PLAA: variants seen among roughly 807,000 people sequenced by gnomAD.
The protein encoded by PLAA is phospholipase A2 activating protein.
A neutral mutation model predicts 84.1 loss-of-function variants in PLAA; 48 were observed. The ratio of observed to expected loss-of-function variants is 0.57; its 90% CI spans 0.45 to 0.73. PLAA has a LOEUF of 0.73. Among genes scored for constraint, PLAA ranks in the 30% least tolerant of loss-of-function variants. The pLI, the probability that PLAA is intolerant of heterozygous loss-of-function variation, is 0.00. For synonymous variants in PLAA, 392 were observed against 336.6 expected, an observed-to-expected ratio of 1.16 and a Z score of -1.80; for missense variants, 903 against 954.7, an observed-to-expected ratio of 0.95 and a Z score of 0.71.
chr9:26,947,157 G>T lies in PLAA; in HGVS notation c.-112C>A. 1 of 1,275,332 alleles carries T rather than the reference G, an allele frequency of 7.8e-7. No individual in the cohort carries two copies. The highest frequency in any genetic ancestry group is 1.0e-6 in the Non-Finnish European group (1 of 971,512). 79.0% of individuals were successfully genotyped at this position (1,275,332 alleles called of 1,614,324 possible). A position where few individuals can be genotyped will look rare whatever the true frequency, so the allele number is the denominator to read the frequency against. ...GAGAAGAGCCTGCAGGTAAGGGGCG[G>T]CCGGAGACCGGAAGAGCCCGAGAGC... On this transcript the variant is annotated 5_prime_UTR_variant, in exon 1 of 14. Coordinates refer to ENST00000397292, the MANE Select transcript of PLAA (RefSeq NM_001031689.3).
intron 2 of PLAA, among the ~76,000 whole-genome samples, chr9:26,932,137 AT>A (rs1825205728): frequency 6.6e-6 from 1 of 152,196 alleles, no homozygotes; most frequent in South Asian, 2.1e-4. Flanking sequence ...TGTGGACCTT[AT>A]TTGGGTCAGA....
Position 26,946,932 on chromosome 9 carries a change from G to A in PLAA, c.114C>T (p.Ser38=), listed in dbSNP as rs1825747507. 2.5e-6 allele frequency: 4 copies of A among 1,581,934 alleles called. No homozygotes were observed. The highest frequency in any genetic ancestry group is 3.4e-6 in the Non-Finnish European group (4 of 1,163,684). The change falls in exon 1 of 14, where the codon TCC becomes TCT. Residue 38 remains serine (S), a synonymous_variant. Transcript: ENST00000397292. ...CCCAGAGGCGGGTGGTGCGGTCTCGGGACACGGACACAAAGGCTCCCGGCG... is the reference window on the plus strand; with the variant it reads ...CCCAGAGGCGGGTGGTGCGGTCTCGAGACACGGACACAAAGGCTCCCGGCG... ...AYPPGAFVSV[S]RDRTTRLWAP...
chr9:26,909,854 C>A (rs1407719712), intron 12 of PLAA, among the ~76,000 whole-genome samples: 3 of 152,114 alleles, frequency 2.0e-5, no homozygotes, highest in Non-Finnish European at 4.4e-5. Context: ...GAACTCCTGA[C>A]CTTAGGCAGT....
Position 26,928,298 on chromosome 9 carries a change from A to T in PLAA, c.444+10T>A. ...TTATTCTTTAGAATATTTACACAGA[A>T]CTACTGTACCTGCAAGGTCATCATG... On this transcript the variant is annotated intron_variant, in intron 3 of 13. Coordinates refer to ENST00000397292, the MANE Select transcript of PLAA (RefSeq NM_001031689.3). 6.2e-7 allele frequency: 1 copy of T among 1,613,888 alleles called. No homozygotes were observed. The highest frequency in any genetic ancestry group is 8.5e-7 in the Non-Finnish European group (1 of 1,179,746).
intron 1 of PLAA, among the ~76,000 whole-genome samples, chr9:26,945,785 C>G (rs1056883026): frequency 3.3e-5 from 5 of 152,244 alleles, no homozygotes; most frequent in African/African-American, 1.2e-4. Flanking sequence ...CTGGAATGCT[C>G]TTCCAATTCA....
At chr9:26,916,068 T>G (rs1824546370) in intron 10 of PLAA, 1 of 985,442 alleles carries the variant, frequency 1.0e-6, no homozygotes, top group Non-Finnish European at 1.2e-6. Flanking sequence ...TTGTTATCAA[T>G]GCACATGGTA....
intron 12 of PLAA, among the ~76,000 whole-genome samples, chr9:26,909,309 C>T (rs1009961544): frequency 6.6e-6 from 1 of 152,002 alleles, no homozygotes; most frequent in Non-Finnish European, 1.5e-5. Flanking sequence ...AGTCTAAATA[C>T]CTGTTAGATT....
rs1202023174 is a variant in PLAA, at chr9:26,928,176, C to T, written c.489G>A (p.Gln163=). The change falls in exon 4 of 14, where the codon CAG becomes CAA. Residue 163 remains glutamine, a synonymous_variant. Transcript: ENST00000397292. ...AVWAVKILPE[Q]GLMLTGSADK... ...CTGCTGATCCAGTCAACATTAAGCCCTGTTCAGGTAAGATCTTTACCGCCC... is the reference window on the plus strand; with the variant it reads ...CTGCTGATCCAGTCAACATTAAGCCTTGTTCAGGTAAGATCTTTACCGCCC... The T allele has an allele frequency of 1.2e-6, 2 of 1,614,060 alleles. No homozygotes were observed. Among genetic ancestry groups the T allele is most frequent in the South Asian group, 1.1e-5 (1 of 91,084 alleles).
At chr9:26,910,580 A>C in intron 11 of PLAA, 141 bp from the exon 12 acceptor site, 1 of 450,900 alleles carries the variant, frequency 2.2e-6, no homozygotes, top group Non-Finnish European at 3.9e-6. Flanking sequence ...TCAAGGGGAA[A>C]AATATCCAAA....
At position 26,904,965 on chromosome 9, in the gene PLAA, T is replaced by A. The variant is rs980273892; in HGVS notation, c.*546A>T. On this transcript the variant is annotated 3_prime_UTR_variant, in exon 14 of 14. Transcript: ENST00000397292. ...AATAGGCCATTAAACAAATATACTT[T>A]AGGATTTATAAATGACAAATCAAGA... 1 of 152,050 alleles carries A rather than the reference T, an allele frequency of 6.6e-6. No individual in the cohort carries two copies. The highest frequency in any genetic ancestry group is 2.1e-4 in the South Asian group (1 of 4,834). The allele number at this position is 152,050 out of a possible 1,614,324, so 9.4% of individuals were successfully genotyped here. A position where few individuals can be genotyped will look rare whatever the true frequency, so the allele number is the denominator to read the frequency against.
chr9:26,940,764 G>A (rs1413304959), intron 1 of PLAA, among the ~76,000 whole-genome samples: 3 of 152,168 alleles, frequency 2.0e-5, no homozygotes, highest in Non-Finnish European at 2.9e-5. Context: ...CTAATCGAAA[G>A]TCTTCAGAAT....
chr9:26,939,118 G>T (rs531892364), intron 1 of PLAA, among the ~76,000 whole-genome samples: 1 of 152,310 alleles, frequency 6.6e-6, no homozygotes, highest in Admixed American at 6.5e-5. Flanking sequence ...GCCGGGCGCC[G>T]TGGCTCACGC....
At chr9:26,916,554 A>G (rs978950796) in intron 10 of PLAA, 2 of 987,006 alleles carry the variant, frequency 2.0e-6, no homozygotes, top group African/African-American at 3.5e-5. Context: ...GTCTCCTTCC[A>G]TGTTAAGTCA....
At chr9:26,932,672 A>T (rs1161820425) in intron 2 of PLAA, among the ~76,000 whole-genome samples, 1 of 152,214 alleles carries the variant, frequency 6.6e-6, no homozygotes, top group African/African-American at 2.4e-5. Context: ...AGAATATCAG[A>T]AATTTTAAAA....
At chr9:26,933,038 G>C (rs998314638) in intron 2 of PLAA, among the ~76,000 whole-genome samples, 2 of 151,920 alleles carry the variant, frequency 1.3e-5, no homozygotes, top group Admixed American at 1.3e-4. Flanking sequence ...GGGAAGTCAA[G>C]TTGGGCAGAT....
chr9:26,915,694 C>CA (rs1212151812), intron 10 of PLAA: 7 of 984,142 alleles, frequency 7.1e-6, no homozygotes, highest in Non-Finnish European at 8.4e-6. Context: ...TTCTCTTGGA[C>CA]ATTGTGTATG....
At position 26,905,549 on chromosome 9, in the gene PLAA, C is replaced by T; in HGVS notation, c.2350G>A (p.Val784Ile). 1.2e-6 allele frequency: 2 copies of T among 1,613,514 alleles called. No homozygotes were observed. The highest frequency in any genetic ancestry group is 8.5e-7 in the Non-Finnish European group (1 of 1,179,862). Reference protein sequence around the residue: ...KYSSVSEPAKVSECCRFILNL... With the variant: ...KYSSVSEPAKISECCRFILNL... ...AGGATAAATCTACAGCATTCACTTACTTTAGCTGGTTCTGATACTGAGGAA... is the reference window on the plus strand; with the variant it reads ...AGGATAAATCTACAGCATTCACTTATTTTAGCTGGTTCTGATACTGAGGAA... The change falls in exon 14 of 14, where the codon GTA (valine) becomes ATA (isoleucine). Residue 784 changes from valine (V) to isoleucine (I), a missense_variant. Physicochemically the swap from Val to Ile is conservative, Grantham distance 29. Transcript: ENST00000397292.
At chr9:26,917,253 A>G (rs1452307726) in intron 9 of PLAA, 88 bp from the exon 10 acceptor site, 11 of 1,024,528 alleles carry the variant, frequency 1.1e-5, no homozygotes, top group South Asian at 8.2e-5. Context: ...AAGAACCTAC[A>G]TTTGGAGAAA....
At chr9:26,938,510 C>T (rs1381700192) in intron 1 of PLAA, among the ~76,000 whole-genome samples, 1 of 149,110 alleles carries the variant, frequency 6.7e-6, no homozygotes, top group Non-Finnish European at 1.5e-5. Flanking sequence ...TATGACTGTA[C>T]CACTGTATGC....
Sources: gnomAD v4.1 joint callset for allele counts (sites outside exome capture counted in the v4.1 genomes callset) on GRCh38, gnomAD v4.1.1 for gene constraint, MANE v1.5 for transcripts, NCBI Gene and HGNC (gene_info 2026-07-23, HGNC 2026-07-21) for gene names.